Variants in PHIP observed in about 807,000 individuals in gnomAD.
PHIP encodes the protein PH-interacting protein.
PHIP carries 54 observed loss-of-function variants against 236.8 expected under a neutral mutation model. The observed-to-expected ratio is 0.23, with a 90% CI of 0.18 to 0.29. PHIP has a LOEUF of 0.29. Ranked by LOEUF, PHIP falls within the 10% of genes least tolerant of loss-of-function variation. The pLI, the probability that PHIP is intolerant of heterozygous loss-of-function variation, is 1.00. For synonymous variants in PHIP, 756 were observed against 718.9 expected (o/e 1.05, Z -0.83); for missense variants, 1,370 against 2,190.8 (o/e 0.63, Z 7.48).
Position 78,969,809 on chromosome 6 carries a change from C to G in PHIP, c.3205+26G>C, listed in dbSNP as rs757641669. 5 of 1,139,990 alleles carry G rather than the reference C, an allele frequency of 4.4e-6. No homozygotes were observed. In the African/African-American group the frequency reaches 6.3e-5, roughly 14 times the overall value. 70.6% of individuals were successfully genotyped at this position (1,139,990 alleles called of 1,614,324 possible). ...AAGAAAAAAAAACCACATCAAACATCGATAGCTTCTAAATAAATTACCCAC... is the reference window on the plus strand; with the variant it reads ...AAGAAAAAAAAACCACATCAAACATGGATAGCTTCTAAATAAATTACCCAC... On this transcript the variant is annotated intron_variant, in intron 27 of 39. Coordinates refer to ENST00000275034, the MANE Select transcript of PHIP (RefSeq NM_017934.7).
At position 78,935,154 on chromosome 6, in the gene PHIP, T is replaced by C. The variant is rs1582063497; in HGVS notation, c.*5539A>G. Among the ~76,000 whole-genome samples, 6 of 152,324 alleles carry C rather than the reference T, an allele frequency of 3.9e-5. No homozygotes were observed. The South Asian group carries it at 1.2e-3, about 32-fold the overall frequency. ...TTTTCTTGGCTGGTTCTTCTAAGTA[T>C]ATACTAGGTATTGTTATTAGCAGAC... On this transcript the variant is annotated 3_prime_UTR_variant, in exon 40 of 40. Transcript: ENST00000275034.
chr6:78,992,785 C>T (rs1769350420), intron 19 of PHIP, among the ~76,000 whole-genome samples: 1 of 152,166 alleles, frequency 6.6e-6, no homozygotes. Flanking sequence ...TCTCCCTCTC[C>T]TCAGGCCTCA....
chr6:79,056,522 G>A (rs1022986887), intron 6 of PHIP, among the ~76,000 whole-genome samples: 12 of 152,150 alleles, frequency 7.9e-5, no homozygotes, highest in African/African-American at 2.9e-4. Context: ...AAAAAGTTTA[G>A]AGCAGTGATA....
chr6:78,995,782 T>A (rs1769568999), intron 19 of PHIP, among the ~76,000 whole-genome samples: 1 of 152,194 alleles, frequency 6.6e-6, no homozygotes, highest in Non-Finnish European at 1.5e-5. Context: ...GGGTATGTCA[T>A]TGGATTCCAT....
At chr6:79,057,570 C>A (rs1009562852) in intron 6 of PHIP, among the ~76,000 whole-genome samples, 9 of 151,988 alleles carry the variant, frequency 5.9e-5, no homozygotes, top group South Asian at 2.1e-4. Flanking sequence ...TATTTGGGAT[C>A]TATATTAAAC....
At chr6:79,022,694 G>A (rs1302475021) in intron 9 of PHIP, among the ~76,000 whole-genome samples, 1 of 152,164 alleles carries the variant, frequency 6.6e-6, no homozygotes, top group East Asian at 1.9e-4. Flanking sequence ...TACTTGGACA[G>A]CTTCCTCCTA....
At chr6:78,978,096 G>A (rs948145712) in intron 24 of PHIP, among the ~76,000 whole-genome samples, 1 of 151,750 alleles carries the variant, frequency 6.6e-6, no homozygotes. Context: ...CTAAAACAAT[G>A]GTCTCATCCT....
At chr6:78,949,860 T>A (rs1774047351) in intron 35 of PHIP, among the ~76,000 whole-genome samples, 1 of 152,106 alleles carries the variant, frequency 6.6e-6, no homozygotes, top group Admixed American at 6.6e-5. Flanking sequence ...GGTTAATTTT[T>A]GTATTTTTTG....
intron 7 of PHIP, among the ~76,000 whole-genome samples, chr6:79,033,673 A>C (rs1040644710): frequency 6.6e-6 from 1 of 152,170 alleles, no homozygotes; most frequent in Non-Finnish European, 1.5e-5. Flanking sequence ...TATAGAGACC[A>C]CTTAAACTTT....
At chr6:78,985,804 T>C (rs900016594) in intron 21 of PHIP, among the ~76,000 whole-genome samples, 1 of 152,168 alleles carries the variant, frequency 6.6e-6, no homozygotes, top group South Asian at 2.1e-4. Flanking sequence ...ATCGCACCAC[T>C]ACACTCCAGA....
chr6:79,050,513 G>C (rs1772738800), intron 6 of PHIP, among the ~76,000 whole-genome samples: 1 of 152,136 alleles, frequency 6.6e-6, no homozygotes, highest in Admixed American at 6.5e-5. Flanking sequence ...TATTAGAAAA[G>C]AAAGACTGAA....
chr6:78,938,279 T>C lies in PHIP; in HGVS notation c.*2414A>G, dbSNP rs1300980173. The C allele has an allele frequency of 6.6e-6, 1 of 151,716 alleles. No individual in the cohort carries two copies. Among genetic ancestry groups the C allele is most frequent in the Non-Finnish European group, 1.5e-5 (1 of 67,616 alleles). The allele number at this position is 151,716 out of a possible 1,614,324, so 9.4% of individuals were successfully genotyped here. A position where few individuals can be genotyped will look rare whatever the true frequency, so the allele number is the denominator to read the frequency against. On this transcript the variant is annotated 3_prime_UTR_variant, in exon 40 of 40. Coordinates refer to ENST00000275034, the MANE Select transcript of PHIP (RefSeq NM_017934.7). ...CAAATAAGGTCATAAATATACAGTG[T>C]CTGTAGAACAGGAATAATACATTTA...
rs1352104528 is a variant in PHIP, at chr6:78,937,706, G to A, written c.*2987C>T. On this transcript the variant is annotated 3_prime_UTR_variant, in exon 40 of 40. Transcript: ENST00000275034. ...CAATCTTTAGTTTATAATACATGCA[G>A]AAAATAGTCCAATGCCACTATAGCA... is the stretch of plus-strand genomic sequence containing the variant. 1.3e-5 allele frequency: 2 copies of A among 151,620 alleles called. No homozygotes were observed. Among genetic ancestry groups the A allele is most frequent in the African/African-American group, 2.4e-5 (1 of 41,388 alleles). 9.4% of individuals were successfully genotyped at this position (151,620 alleles called of 1,614,324 possible). A position where few individuals can be genotyped will look rare whatever the true frequency, so the allele number is the denominator to read the frequency against.
intron 7 of PHIP, among the ~76,000 whole-genome samples, chr6:79,032,005 C>T (rs778131112): frequency 5.3e-5 from 8 of 152,208 alleles, no homozygotes; most frequent in Non-Finnish European, 1.2e-4. Flanking sequence ...AGTATTCCAA[C>T]GAAGCAAACC....
At chr6:79,013,810 C>G (rs1042344625) in intron 15 of PHIP, among the ~76,000 whole-genome samples, 36 of 151,518 alleles carry the variant, frequency 2.4e-4, no homozygotes, top group African/African-American at 8.7e-4. Context: ...AATGAAGCCA[C>G]TAGTATATAT....
At chr6:78,969,706 AT>A (rs1213472964) in intron 27 of PHIP, 128 bp downstream of exon 27, 1 of 516,056 alleles carries the variant, frequency 1.9e-6, no homozygotes. Flanking sequence ...TTACTTTGCT[AT>A]TAACATTCCT....
intron 6 of PHIP, among the ~76,000 whole-genome samples, chr6:79,045,677 C>T (rs1047969888): frequency 1.3e-5 from 2 of 152,030 alleles, no homozygotes; most frequent in Admixed American, 6.6e-5. Context: ...AAGGAAATGT[C>T]TCTTGGATTA....
chr6:79,075,779 G>T (rs1168245118), intron 4 of PHIP, among the ~76,000 whole-genome samples: 2 of 152,068 alleles, frequency 1.3e-5, no homozygotes, highest in African/African-American at 4.8e-5. Context: ...GTGACTTAAG[G>T]TTTGTGGGTT....
intron 29 of PHIP, 78 bp downstream of exon 29, chr6:78,965,625 G>C: frequency 1.3e-6 from 1 of 793,864 alleles, no homozygotes. Context: ...GTAAGTGGTA[G>C]CATGTTAGCA....
Sources: gnomAD v4.1 joint callset for allele counts (sites outside exome capture counted in the v4.1 genomes callset) on GRCh38, gnomAD v4.1.1 for gene constraint, MANE v1.5 for transcripts, NCBI Gene and HGNC (gene_info 2026-07-23, HGNC 2026-07-21) for gene names.